GABRA3: variants seen among roughly 807,000 people sequenced by gnomAD.
GABRA3 encodes the protein gamma-aminobutyric acid type A receptor subunit alpha3, also known as gamma-aminobutyric acid receptor subunit alpha-3.
Under a neutral mutation model 30.1 loss-of-function variants are expected in GABRA3, and 10 were observed. The observed-to-expected ratio is 0.33, with a 90% confidence interval of 0.20 to 0.56. The LOEUF (loss-of-function observed/expected upper bound fraction) is 0.56. GABRA3 is among the 20% of genes least tolerant of loss of function. The pLI is 0.89. For synonymous variants in GABRA3, 151 were observed against 146.8 expected (o/e 1.03, Z -0.21); for missense variants, 233 against 392.0 (o/e 0.59, Z 3.42).
At chrX:152,330,217 G>A (rs1296783202) in intron 3 of GABRA3, among the ~76,000 whole-genome samples, 1 of 112,049 alleles carries the variant, frequency 8.9e-6, no homozygotes, top group Non-Finnish European at 1.9e-5. Flanking sequence ...TGGAAAGGAT[G>A]TGGAGAAATA....
intron 5 of GABRA3, among the ~76,000 whole-genome samples, chrX:152,232,914 C>G (rs959001191): frequency 9.0e-6 from 1 of 110,827 alleles, no homozygotes; most frequent in African/African-American, 3.3e-5. Flanking sequence ...AGAGGTTATG[C>G]TAATTCAAAT....
intron 1 of GABRA3, among the ~76,000 whole-genome samples, chrX:152,371,847 A>C (rs1000503022): frequency 1.8e-5 from 2 of 111,716 alleles, no homozygotes; most frequent in African/African-American, 6.5e-5. Flanking sequence ...GCAGTGAACA[A>C]AACAGCCAAA....
intron 6 of GABRA3, among the ~76,000 whole-genome samples, chrX:152,210,482 G>A (rs769993804): frequency 5.4e-5 from 6 of 111,841 alleles, no homozygotes; most frequent in African/African-American, 1.9e-4. Context: ...AGGGAGCAAG[G>A]TGAAAGTGAT....
chrX:152,285,935 G>C (rs894027383), intron 3 of GABRA3, among the ~76,000 whole-genome samples: 5 of 106,168 alleles, frequency 4.7e-5, no homozygotes, highest in Non-Finnish European at 7.7e-5. Context: ...ATACTATATA[G>C]TACTTAGTAC....
At chrX:152,438,995 A>G (rs1747365894) in intron 1 of GABRA3, among the ~76,000 whole-genome samples, 1 of 111,199 alleles carries the variant, frequency 9.0e-6, no homozygotes, top group Non-Finnish European at 1.9e-5. Flanking sequence ...ATATATCAAT[A>G]TCAGTTTATC....
At chrX:152,266,329 A>G (rs1321176158) in intron 4 of GABRA3, among the ~76,000 whole-genome samples, 2 of 112,058 alleles carry the variant, frequency 1.8e-5, no homozygotes, top group Non-Finnish European at 3.8e-5. Flanking sequence ...TGTTCAACAT[A>G]TGCAATTCAG....
intron 3 of GABRA3, among the ~76,000 whole-genome samples, chrX:152,307,806 C>T (rs962677441): frequency 2.7e-5 from 3 of 111,753 alleles, no homozygotes; most frequent in Non-Finnish European, 5.7e-5. Context: ...AGCCCACTCT[C>T]GCCATAGACC....
intron 2 of GABRA3, among the ~76,000 whole-genome samples, chrX:152,359,045 T>C (rs933656986): frequency 8.9e-6 from 1 of 111,774 alleles, no homozygotes; most frequent in African/African-American, 3.3e-5. Context: ...TACCAGGTTT[T>C]GGTATCAGGA....
chrX:152,376,336 A>C (rs1465632004), intron 1 of GABRA3, among the ~76,000 whole-genome samples: 2 of 110,175 alleles, frequency 1.8e-5, no homozygotes, highest in Non-Finnish European at 3.8e-5. Flanking sequence ...TATGAATCCT[A>C]ATCTCCGAGC....
chrX:152,235,789 T>A (rs1352955988), intron 5 of GABRA3, among the ~76,000 whole-genome samples: 2 of 110,483 alleles, frequency 1.8e-5, no homozygotes, highest in Non-Finnish European at 3.8e-5. Flanking sequence ...CTACCCAAAG[T>A]GAGCTAGAGA....
chrX:152,333,898 C>T lies in GABRA3; in HGVS notation c.262+11683G>A, dbSNP rs188542815. Among the ~76,000 whole-genome samples the T allele has an allele frequency of 2.4e-4, 27 of 110,768 alleles. No individual in the cohort carries two copies. The East Asian group carries it at 7.4e-3, about 30-fold the overall frequency. On this transcript the variant is annotated intron_variant, in intron 3 of 9. Transcript: ENST00000370314. ...GATTTTTTTCTCAGAAAATGATAAG[C>T]GGATTATAAAATTTATCTAGAAATT...
chrX:152,271,656 T>C (rs1194458435), intron 4 of GABRA3, among the ~76,000 whole-genome samples: 1 of 112,191 alleles, frequency 8.9e-6, no homozygotes, highest in African/African-American at 3.2e-5. Flanking sequence ...GCCAAGACAA[T>C]GGGGAAAATA....
chrX:152,263,142 C>T (rs1369154612), intron 4 of GABRA3, among the ~76,000 whole-genome samples: 1 of 110,563 alleles, frequency 9.0e-6, no homozygotes. Flanking sequence ...TACCTCCAAC[C>T]GGGTCCCTTC....
At chrX:152,238,825 G>A (rs1226656613) in intron 5 of GABRA3, among the ~76,000 whole-genome samples, 1 of 108,606 alleles carries the variant, frequency 9.2e-6, no homozygotes, top group Admixed American at 9.8e-5. Context: ...TATTTCTGTG[G>A]GATCAGTGGT....
intron 1 of GABRA3, among the ~76,000 whole-genome samples, chrX:152,365,598 A>T (rs1159243597): frequency 8.9e-6 from 1 of 111,763 alleles, no homozygotes; most frequent in Admixed American, 9.5e-5. Context: ...ACCCAACAAC[A>T]TACCCTTTTT....
intron 3 of GABRA3, among the ~76,000 whole-genome samples, chrX:152,298,721 A>G (rs972187029): frequency 3.3e-4 from 37 of 111,492 alleles, no homozygotes; most frequent in African/African-American, 1.2e-3. Context: ...ATGATTTATA[A>G]TCCTTTGGGT....
intron 9 of GABRA3, among the ~76,000 whole-genome samples, chrX:152,183,067 C>T (rs1167647590): frequency 9.3e-6 from 1 of 107,829 alleles, no homozygotes. Flanking sequence ...GAAGGTAATG[C>T]TGGCCATATA....
chrX:152,343,850 C>G (rs1267433821), intron 3 of GABRA3, among the ~76,000 whole-genome samples: 1 of 112,125 alleles, frequency 8.9e-6, no homozygotes, highest in Non-Finnish European at 1.9e-5. Context: ...TAGGATTAAA[C>G]AAATGGGTAC....
chrX:152,428,349 ATAG>A (rs1273260171), intron 1 of GABRA3, among the ~76,000 whole-genome samples: 1 of 112,179 alleles, frequency 8.9e-6, no homozygotes, highest in Non-Finnish European at 1.9e-5. Flanking sequence ...GCTACTCTCA[ATAG>A]TAGTCCCTGG....
Sources: gnomAD v4.1 joint callset for allele counts (sites outside exome capture counted in the v4.1 genomes callset) on GRCh38, gnomAD v4.1.1 for gene constraint, MANE v1.5 for transcripts, NCBI Gene and HGNC (gene_info 2026-07-23, HGNC 2026-07-21) for gene names.